Variants in PTPRN2 observed in about 807,000 individuals in gnomAD.
PTPRN2 encodes protein tyrosine phosphatase receptor type N2, also known as receptor-type tyrosine-protein phosphatase N2.
PTPRN2 carries 74 observed loss-of-function variants against 118.8 expected under a neutral mutation model. The observed-to-expected ratio is 0.62, with a 90% confidence interval of 0.52 to 0.76. The LOEUF is 0.76. Ranked by LOEUF, PTPRN2 falls within the 30% of genes least tolerant of loss-of-function variation. The pLI, the probability that PTPRN2 is intolerant of heterozygous loss-of-function variation, is 0.00. For missense variants in PTPRN2, 1,481 were observed against 1,394.4 expected (o/e 1.06, Z -0.99); for synonymous variants, 641 against 608.0 (o/e 1.05, Z -0.80).
intron 11 of PTPRN2, among the ~76,000 whole-genome samples, chr7:157,904,108 G>C (rs1797623364): frequency 6.6e-6 from 1 of 152,178 alleles, no homozygotes; most frequent in South Asian, 2.1e-4. Flanking sequence ...GCTTCTGCTT[G>C]TGTTTTGAAC....
rs1355976304 is a variant in PTPRN2, at chr7:158,048,567, TATC to T, written c.1723+32728_1723+32730del. Among the ~76,000 whole-genome samples the T allele has an allele frequency of 5.4e-5, 6 of 111,478 alleles. No individual in the cohort carries two copies. In the East Asian group the frequency reaches 1.1e-3, roughly 21 times the overall value. The allele number at this position is 111,478 out of a possible 152,430, so 73.1% of individuals were successfully genotyped here. On this transcript the variant is annotated intron_variant, in intron 11 of 22. Coordinates refer to ENST00000389418, the MANE Select transcript of PTPRN2 (RefSeq NM_002847.5). ...CCACCAGCACCATCATCACCATCAC[TATC>T]ATCATCATCACTATCATCATCATCA... is the stretch of plus-strand genomic sequence containing the variant.
intron 11 of PTPRN2, among the ~76,000 whole-genome samples, chr7:158,008,467 G>A (rs193271155): frequency 3.2e-4 from 48 of 152,322 alleles, no homozygotes; most frequent in Admixed American, 5.2e-4. Context: ...AACCTGTCCC[G>A]CGCGCGTGGT....
chr7:157,770,247 A>C (rs1441168987), intron 12 of PTPRN2, among the ~76,000 whole-genome samples: 1 of 152,244 alleles, frequency 6.6e-6, no homozygotes, highest in South Asian at 2.1e-4. Flanking sequence ...GTTTATGTAG[A>C]TAGAATATGA....
intron 12 of PTPRN2, among the ~76,000 whole-genome samples, chr7:157,712,321 G>A (rs918672790): frequency 6.6e-6 from 1 of 152,184 alleles, no homozygotes; most frequent in African/African-American, 2.4e-5. Flanking sequence ...CCCCTCAAGA[G>A]GATATGTTGA....
chr7:158,087,677 CTTCACACAAACCTTCTTCCCCTGAT>C (rs1813559708), intron 10 of PTPRN2, among the ~76,000 whole-genome samples: 1 of 145,944 alleles, frequency 6.9e-6, no homozygotes, highest in African/African-American at 2.8e-5. Context: ...AGGAGGGAGT[CTTCACACAAACCTTCTTCCCCTGAT>C]GAAGGAGGGA....
intron 2 of PTPRN2, among the ~76,000 whole-genome samples, chr7:158,341,541 G>A (rs1224286001): frequency 3.8e-5 from 4 of 106,394 alleles, no homozygotes; most frequent in African/African-American, 7.1e-5. Flanking sequence ...CATAAGAGGT[G>A]ACATCTGCAG....
Position 158,138,419 on chromosome 7 carries a change from A to G in PTPRN2, c.1007T>C (p.Met336Thr). 6.2e-7 allele frequency: 1 copy of G among 1,613,594 alleles called. No individual in the cohort carries two copies. The highest frequency in any genetic ancestry group is 1.1e-5 in the South Asian group (1 of 91,080). ...GTCCACGCCTTGCATCAGGCCAGCC[A>G]TCAGCTCAGCCATGCCGTCCAGCTC... ...GLELDGMAEL[M>T]AGLMQGVDHG... The change falls in exon 7 of 23, where the codon ATG (methionine) becomes ACG (threonine). Residue 336 changes from methionine to threonine, a missense_variant. By Grantham distance (81) the Met-to-Thr change is moderately conservative. This residue lies in a region of PTPRN2 where 1,115 missense variants were observed against 994.2 expected (regional missense o/e 1.12). Transcript: ENST00000389418.
At chr7:157,571,104 G>C (rs1008806720) in intron 20 of PTPRN2, among the ~76,000 whole-genome samples, 2 of 151,838 alleles carry the variant, frequency 1.3e-5, no homozygotes, top group African/African-American at 4.8e-5. Flanking sequence ...AAAATTAGCC[G>C]GGCGTGGTGG....
rs1319192505 is a variant in PTPRN2 at position 158,525,338 on chromosome 7, G to A, written c.113-35553C>T. ...ACAAAACCGTGAGACCCGAGCAGAAGCTGCAGCAGAAGGTAGCACGGGCAG... is the reference window on the plus strand; with the variant it reads ...ACAAAACCGTGAGACCCGAGCAGAAACTGCAGCAGAAGGTAGCACGGGCAG... On this transcript the variant is annotated intron_variant, in intron 1 of 22. Transcript: ENST00000389418. The surrounding 1 kb of genome is among the most constrained non-coding windows in gnomAD (Gnocchi z 4.1). 6.6e-6 allele frequency among the ~76,000 whole-genome samples: 1 copy of A among 152,236 alleles called. No homozygotes were observed. Among genetic ancestry groups the A allele is most frequent in the African/African-American group, 2.4e-5 (1 of 41,468 alleles).
intron 1 of PTPRN2, among the ~76,000 whole-genome samples, chr7:158,564,984 C>A (rs1030004465): frequency 1.3e-5 from 2 of 152,106 alleles, no homozygotes; most frequent in African/African-American, 4.8e-5. Context: ...GGAGACCCTG[C>A]GCAGGCCCTG....
chr7:157,656,351 G>A lies in PTPRN2; in HGVS notation c.2196+6C>T, dbSNP rs756842033. On this transcript the variant is annotated splice_donor_region_variant and intron_variant, in intron 14 of 22. Coordinates refer to ENST00000389418, the MANE Select transcript of PTPRN2 (RefSeq NM_002847.5). ...GTGTGGCAGGGAGTGCAAAGACTGG[G>A]CTTACCAGGATCATGTGGCCGGTGG... 1.2e-5 allele frequency: 18 copies of A among 1,547,008 alleles called. No homozygotes were observed. In the South Asian group the frequency reaches 2.0e-4, roughly 17 times the overall value.
intron 12 of PTPRN2, among the ~76,000 whole-genome samples, chr7:157,873,573 T>C (rs1337326952): frequency 1.0e-3 from 112 of 112,040 alleles, no homozygotes; most frequent in African/African-American, 3.7e-3. Context: ...GAGAACGTAC[T>C]GTCCTCAAGG....
At chr7:158,258,347 G>A (rs143795722) in intron 3 of PTPRN2, among the ~76,000 whole-genome samples, 18 of 152,348 alleles carry the variant, frequency 1.2e-4, no homozygotes, top group Middle Eastern at 3.4e-3. Context: ...GCTCTGGTGC[G>A]TCTCACACTC....
intron 11 of PTPRN2, chr7:158,030,924 C>G (rs1160870527): frequency 6.6e-6 from 1 of 152,298 alleles, no homozygotes; most frequent in African/African-American, 2.4e-5. Flanking sequence ...AGGCCCACAG[C>G]TCTTCCTCAG....
At chr7:158,341,895 C>T (rs1563178969) in intron 2 of PTPRN2, among the ~76,000 whole-genome samples, 1 of 134,794 alleles carries the variant, frequency 7.4e-6, no homozygotes, top group Non-Finnish European at 1.6e-5. Flanking sequence ...CCACACTCAC[C>T]ATATGAGCTG....
intron 20 of PTPRN2, among the ~76,000 whole-genome samples, chr7:157,570,138 G>A (rs529140762): frequency 2.6e-5 from 4 of 152,380 alleles, no homozygotes; most frequent in African/African-American, 7.2e-5. Context: ...GCATCACCAA[G>A]GAGGAGAGGC....
At chr7:158,000,416 C>T (rs1291995165) in intron 11 of PTPRN2, among the ~76,000 whole-genome samples, 3 of 152,054 alleles carry the variant, frequency 2.0e-5, no homozygotes, top group African/African-American at 7.2e-5. Context: ...AATCACCCAA[C>T]ACGTGAAAGC....
chr7:158,066,305 C>G (rs1810770058), intron 11 of PTPRN2, among the ~76,000 whole-genome samples: 1 of 152,214 alleles, frequency 6.6e-6, no homozygotes, highest in Non-Finnish European at 1.5e-5. Context: ...CTGCAAACAG[C>G]CACCCTTCTG....
chr7:157,798,040 C>T (rs1038872670), intron 12 of PTPRN2, among the ~76,000 whole-genome samples: 1 of 152,162 alleles, frequency 6.6e-6, no homozygotes, highest in Non-Finnish European at 1.5e-5. Context: ...GGGTGGATCA[C>T]CTGAGGTCAG....
Sources: gnomAD v4.1 joint callset for allele counts (sites outside exome capture counted in the v4.1 genomes callset) on GRCh38, gnomAD v4.1.1 for gene constraint, gnomAD v4.1.1 regional missense constraint, Gnocchi (gnomAD v3.1) non-coding constraint, MANE v1.5 for transcripts, NCBI Gene and HGNC (gene_info 2026-07-23, HGNC 2026-07-21) for gene names.